The following SRRM4 variants were observed in gnomAD, a reference collection of about 807,000 sequenced individuals.
SRRM4 encodes serine/arginine repetitive matrix 4, also known as serine/arginine repetitive matrix protein 4.
In SRRM4, 33 loss-of-function variants were observed where a neutral mutation model predicts 68.9. The observed-to-expected ratio is 0.48, with a 90% confidence interval of 0.36 to 0.64. The LOEUF is 0.64. Ranked by LOEUF, SRRM4 falls within the 30% of genes least tolerant of loss-of-function variation. The pLI is 0.00. For missense variants in SRRM4, 817 were observed against 827.1 expected, an observed-to-expected ratio of 0.99 and a Z score of 0.15; for synonymous variants, 318 against 318.8, an observed-to-expected ratio of 1.00 and a Z score of 0.03.
chr12:119,012,584 T>G (rs1327223251), intron 1 of SRRM4, among the ~76,000 whole-genome samples: 1 of 152,176 alleles, frequency 6.6e-6, no homozygotes, highest in East Asian at 1.9e-4. Context: ...CTTTCTCAAC[T>G]AACAGACTCC....
chr12:119,161,444 A>G lies in SRRM4; in HGVS notation c.*4646A>G, dbSNP rs1367238485. On this transcript the variant is annotated 3_prime_UTR_variant, in exon 13 of 13. Transcript: ENST00000267260. ...CTGACAGAAATGTCATCTCTCTTCT[A>G]TCTGTGGTTGCTGTTTTTGGAGTAA... The G allele has an allele frequency of 6.6e-6, 1 of 152,098 alleles. No homozygotes were observed. Among genetic ancestry groups the G allele is most frequent in the African/African-American group, 2.4e-5 (1 of 41,402 alleles). 9.4% of individuals were successfully genotyped at this position (152,098 alleles called of 1,614,324 possible).
chr12:118,987,922 T>C (rs1176417516), intron 1 of SRRM4, among the ~76,000 whole-genome samples: 2 of 152,232 alleles, frequency 1.3e-5, no homozygotes, highest in Non-Finnish European at 2.9e-5. Context: ...ATAATAACTG[T>C]ACATATTTGG....
At chr12:119,050,246 A>C (rs1953733867) in intron 1 of SRRM4, among the ~76,000 whole-genome samples, 1 of 152,232 alleles carries the variant, frequency 6.6e-6, no homozygotes, top group South Asian at 2.1e-4. Context: ...TGTTCTAGGC[A>C]TAACATGGTT....
At chr12:119,053,049 C>G (rs576507389) in intron 1 of SRRM4, among the ~76,000 whole-genome samples, 3 of 152,154 alleles carry the variant, frequency 2.0e-5, no homozygotes, top group Non-Finnish European at 4.4e-5. Context: ...TTCACTTTCT[C>G]TCCTTCCAAT....
chr12:119,050,546 G>A (rs185472833), intron 1 of SRRM4, among the ~76,000 whole-genome samples: 72 of 152,344 alleles, frequency 4.7e-4, no homozygotes, highest in African/African-American at 1.7e-3. Context: ...GGTGGAACTT[G>A]CAGCAGAGTG....
At chr12:119,090,584 G>A (rs1180608176) in intron 1 of SRRM4, among the ~76,000 whole-genome samples, 2 of 152,106 alleles carry the variant, frequency 1.3e-5, no homozygotes, top group Non-Finnish European at 1.5e-5. Flanking sequence ...TTCTGGAAGG[G>A]GCATCCCTGA....
chr12:119,094,903 G>A (rs1176941164), intron 1 of SRRM4, among the ~76,000 whole-genome samples: 11 of 152,182 alleles, frequency 7.2e-5, no homozygotes. Context: ...AACAACTGTT[G>A]AGTAATGAAT....
At chr12:119,037,488 T>A (rs1953637405) in intron 1 of SRRM4, among the ~76,000 whole-genome samples, 1 of 152,158 alleles carries the variant, frequency 6.6e-6, no homozygotes, top group South Asian at 2.1e-4. Flanking sequence ...CATCACATTA[T>A]AGTCTGGATG....
chr12:119,111,720 C>A (rs1285848536), intron 2 of SRRM4, among the ~76,000 whole-genome samples: 2 of 152,184 alleles, frequency 1.3e-5, no homozygotes, highest in Non-Finnish European at 2.9e-5. Flanking sequence ...ATTGATTAGG[C>A]TTTTGCCCTG....
chr12:119,017,862 G>A (rs1302692612), intron 1 of SRRM4, among the ~76,000 whole-genome samples: 2 of 152,066 alleles, frequency 1.3e-5, no homozygotes, highest in Admixed American at 6.5e-5. Context: ...GTAGCTCCAC[G>A]CTGCCCATCT....
rs1681687163 is a variant in SRRM4, at chr12:119,157,119, G to A, written c.*321G>A. On this transcript the variant is annotated 3_prime_UTR_variant, in exon 13 of 13. Transcript: ENST00000267260. This position sits in a 1 kb window ranked among gnomAD's most constrained non-coding sequence, Gnocchi z 4.1. The stretch of plus-strand genomic sequence containing the variant: ...GCAATGGGTCTGTGACTCAAAAATT[G>A]AGCCCTGGCCAGGAAAATGTGGAGA... 1 of 307,594 alleles carries A rather than the reference G, an allele frequency of 3.3e-6. No individual in the cohort carries two copies. The highest frequency in any genetic ancestry group is 2.2e-5 in the African/African-American group (1 of 45,928). The allele number at this position is 307,594 out of a possible 1,614,324, so 19.1% of individuals were successfully genotyped here.
chr12:119,077,005 G>A (rs11064655), intron 1 of SRRM4, among the ~76,000 whole-genome samples: 3,456 of 152,292 alleles, frequency 0.023, 49 homozygotes, highest in South Asian at 0.039. Flanking sequence ...ATCTGCTGGA[G>A]TACTGGCATC....
intron 9 of SRRM4, 67 bp from the exon 10 acceptor site, chr12:119,150,950 G>A: frequency 1.4e-6 from 2 of 1,454,904 alleles, no homozygotes; most frequent in Non-Finnish European, 1.9e-6. Context: ...AAGGTAGGGA[G>A]GTATTCAAAC....
intron 1 of SRRM4, among the ~76,000 whole-genome samples, chr12:119,039,979 G>T (rs1018744774): frequency 1.3e-5 from 2 of 152,102 alleles, no homozygotes; most frequent in Non-Finnish European, 2.9e-5. Context: ...CTACTTGGAT[G>T]CCAACTTTCA....
chr12:119,010,975 CATCT>C (rs1024477148), intron 1 of SRRM4, among the ~76,000 whole-genome samples: 11 of 152,042 alleles, frequency 7.2e-5, no homozygotes, highest in Non-Finnish European at 1.5e-4. Context: ...TAGGAAAAAG[CATCT>C]ATCTATGTAT....
At chr12:119,123,159 C>T (rs1312176100) in intron 6 of SRRM4, among the ~76,000 whole-genome samples, 1 of 152,144 alleles carries the variant, frequency 6.6e-6, no homozygotes, top group Non-Finnish European at 1.5e-5. Flanking sequence ...AAAGAGGAGG[C>T]AGGGATGCAG....
intron 1 of SRRM4, among the ~76,000 whole-genome samples, chr12:119,078,989 G>T (rs574407188): frequency 1.3e-5 from 2 of 152,154 alleles, no homozygotes; most frequent in African/African-American, 4.8e-5. Context: ...CGCACTCTGG[G>T]CTGGACGCTG....
chr12:119,058,775 C>T (rs571881693), intron 1 of SRRM4, among the ~76,000 whole-genome samples: 2 of 152,284 alleles, frequency 1.3e-5, no homozygotes, highest in South Asian at 2.1e-4. Context: ...TCCCCTACCT[C>T]TCTTCCTCTT....
rs143890317 is a variant in SRRM4 at position 119,032,555 on chromosome 12, A to G, written c.131+50542A>G. Among the ~76,000 whole-genome samples the G allele has an allele frequency of 4.8e-3, 736 of 152,154 alleles. 4 individuals carry two copies. Among genetic ancestry groups the G allele is most frequent in the African/African-American group, 0.015 (642 of 41,514 alleles). Reference sequence around the variant, plus strand: ...TTGTGGCCCATTTCTCTCTTTAAAAACTTCTGTTTTCCATTTGGTAATAGT... The same window carrying G: ...TTGTGGCCCATTTCTCTCTTTAAAAGCTTCTGTTTTCCATTTGGTAATAGT... On this transcript the variant is annotated intron_variant, in intron 1 of 12. Transcript: ENST00000267260.
Sources: gnomAD v4.1 joint callset for allele counts (sites outside exome capture counted in the v4.1 genomes callset) on GRCh38, gnomAD v4.1.1 for gene constraint, Gnocchi (gnomAD v3.1) non-coding constraint, MANE v1.5 for transcripts, NCBI Gene and HGNC (gene_info 2026-07-23, HGNC 2026-07-21) for gene names.